GALNT17: variants seen among roughly 807,000 people sequenced by gnomAD.
GALNT17 encodes the protein UDP-GalNAc:polypeptide N-acetylgalactosaminyltransferase-like 3.
A neutral mutation model predicts 63.7 loss-of-function variants in GALNT17; 29 were observed. That is an observed-to-expected ratio of 0.46 (90% CI 0.34 to 0.62). The LOEUF (loss-of-function observed/expected upper bound fraction) is 0.62, where lower values mean the gene tolerates loss of function less well. GALNT17 is among the 20% of genes least tolerant of loss of function. The pLI, the probability that GALNT17 is intolerant of heterozygous loss-of-function variation, is 0.01. For synonymous variants in GALNT17, 305 were observed against 318.3 expected, an observed-to-expected ratio of 0.96 and a Z score of 0.45; for missense variants, 603 against 799.6, an observed-to-expected ratio of 0.75 and a Z score of 2.97.
At chr7:71,648,730 C>A (rs1790715640) in intron 6 of GALNT17, among the ~76,000 whole-genome samples, 1 of 152,190 alleles carries the variant, frequency 6.6e-6, no homozygotes, top group Non-Finnish European at 1.5e-5. Flanking sequence ...AGCCACCAAG[C>A]CTGGCCCTCA....
intron 4 of GALNT17, 142 bp downstream of exon 4, chr7:71,416,205 A>T: frequency 9.5e-7 from 1 of 1,048,246 alleles, no homozygotes; most frequent in Non-Finnish European, 1.3e-6. Context: ...GAAGAAAGTG[A>T]GACCATTGTC....
chr7:71,702,489 C>T (rs645346), intron 9 of GALNT17, among the ~76,000 whole-genome samples: 152,240 of 152,242 alleles, frequency 1, 76,119 homozygotes, highest in Non-Finnish European at 1. Context: ...CTCAGAAAGC[C>T]ATTATTGGAT....
At chr7:71,363,442 A>G (rs1433109147) in intron 2 of GALNT17, among the ~76,000 whole-genome samples, 1 of 152,182 alleles carries the variant, frequency 6.6e-6, no homozygotes, top group Non-Finnish European at 1.5e-5. Flanking sequence ...TGGTCACTCT[A>G]GTGAGACCAG....
intron 1 of GALNT17, among the ~76,000 whole-genome samples, chr7:71,179,211 C>T (rs1028543962): frequency 3.3e-5 from 5 of 150,786 alleles, no homozygotes; most frequent in South Asian, 2.1e-4. Context: ...CATATCTGAT[C>T]GCCTCCTTTG....
chr7:71,293,902 G>A (rs563745435), intron 1 of GALNT17, among the ~76,000 whole-genome samples: 3 of 152,282 alleles, frequency 2.0e-5, no homozygotes, highest in African/African-American at 2.4e-5. Flanking sequence ...GCTCACGCCT[G>A]TAATCCCAGC....
Position 71,551,770 on chromosome 7 carries a change from AAAAGAGAGAG to A in GALNT17, c.963-19513_963-19504del, listed in dbSNP as rs1428189370. Among the ~76,000 whole-genome samples, 158 of 102,188 alleles carry A rather than the reference AAAAGAGAGAG, an allele frequency of 1.5e-3. 1 individual carries two copies. The highest frequency in any genetic ancestry group is 4.3e-3 in the African/African-American group (151 of 35,062). The allele number at this position is 102,188 out of a possible 152,430, so 67.0% of individuals were successfully genotyped here. ...GAGACCCTGTCTCAAAAAAAAAAAA[AAAAGAGAGAG>A]AGAGAGAGCGGGAAAGCAAGAGTTA... On this transcript the variant is annotated intron_variant, in intron 5 of 10. Transcript: ENST00000333538.
chr7:71,264,409 G>A (rs1020798988), intron 1 of GALNT17, among the ~76,000 whole-genome samples: 2 of 152,122 alleles, frequency 1.3e-5, no homozygotes, highest in Non-Finnish European at 2.9e-5. Flanking sequence ...AGACAGTCAC[G>A]TTATTGAACC....
chr7:71,635,909 T>A (rs1243724332), intron 6 of GALNT17, among the ~76,000 whole-genome samples: 1 of 152,088 alleles, frequency 6.6e-6, no homozygotes, highest in Non-Finnish European at 1.5e-5. Flanking sequence ...TTGGTTTTGG[T>A]GTGTTTTGGC....
intron 5 of GALNT17, among the ~76,000 whole-genome samples, chr7:71,502,291 G>C (rs908943436): frequency 1.3e-5 from 2 of 152,064 alleles, no homozygotes; most frequent in Admixed American, 1.3e-4. Context: ...TCACAGTCTT[G>C]TTACGTGTGA....
intron 1 of GALNT17, among the ~76,000 whole-genome samples, chr7:71,163,448 G>A (rs913917547): frequency 6.6e-6 from 1 of 152,164 alleles, no homozygotes; most frequent in Non-Finnish European, 1.5e-5. Flanking sequence ...TGACTGATTG[G>A]ATGTGAAGAA....
intron 1 of GALNT17, among the ~76,000 whole-genome samples, chr7:71,196,662 G>A (rs571011865): frequency 2.0e-5 from 3 of 150,796 alleles, no homozygotes; most frequent in South Asian, 2.1e-4. Flanking sequence ...TTTTTGAGAC[G>A]GAGTCTTGCT....
intron 5 of GALNT17, among the ~76,000 whole-genome samples, chr7:71,554,290 T>G (rs1327789412): frequency 6.6e-6 from 1 of 152,074 alleles, no homozygotes; most frequent in Non-Finnish European, 1.5e-5. Context: ...ATAAATCTCG[T>G]GAGATCTGAT....
At chr7:71,691,688 A>C (rs1430915957) in intron 9 of GALNT17, among the ~76,000 whole-genome samples, 1 of 152,154 alleles carries the variant, frequency 6.6e-6, no homozygotes, top group Non-Finnish European at 1.5e-5. Context: ...AGGCACAAAA[A>C]GTCATTCAGG....
At chr7:71,664,278 A>G (rs1277817473) in intron 6 of GALNT17, among the ~76,000 whole-genome samples, 1 of 152,182 alleles carries the variant, frequency 6.6e-6, no homozygotes, top group Non-Finnish European at 1.5e-5. Context: ...AAGGCTTGGC[A>G]TCTGTACCTG....
chr7:71,269,222 T>TG (rs922919510), intron 1 of GALNT17, among the ~76,000 whole-genome samples: 4 of 152,124 alleles, frequency 2.6e-5, no homozygotes, highest in African/African-American at 9.7e-5. Context: ...CCCAGTACTT[T>TG]GGGAAGCCAA....
At chr7:71,421,951 G>GAAA (rs79689052) in intron 5 of GALNT17, among the ~76,000 whole-genome samples, 2 of 87,518 alleles carry the variant, frequency 2.3e-5, no homozygotes, top group African/African-American at 4.4e-5. Flanking sequence ...ACTCTGTCTC[G>GAAA]AAAAAAAAAA....
chr7:71,210,000 G>A (rs1789345867), intron 1 of GALNT17, among the ~76,000 whole-genome samples: 1 of 152,006 alleles, frequency 6.6e-6, no homozygotes, highest in Admixed American at 6.6e-5. Flanking sequence ...TGAGCTCACT[G>A]CAACCTCTGC....
At chr7:71,450,900 C>A (rs1217944244) in intron 5 of GALNT17, among the ~76,000 whole-genome samples, 1 of 149,802 alleles carries the variant, frequency 6.7e-6, no homozygotes, top group East Asian at 2.0e-4. Context: ...TAGACTACTT[C>A]AGATTGCATG....
intron 3 of GALNT17, among the ~76,000 whole-genome samples, chr7:71,395,924 C>T (rs1036346864): frequency 6.6e-6 from 1 of 151,978 alleles, no homozygotes; most frequent in African/African-American, 2.4e-5. Context: ...AGTACTTTGC[C>T]CATTTTAAAA....
Sources: allele counts gnomAD v4.1 joint callset (sites outside exome capture counted in the v4.1 genomes callset), GRCh38; gene constraint gnomAD v4.1.1; transcripts MANE v1.5; gene names NCBI Gene and HGNC (gene_info 2026-07-23, HGNC 2026-07-21).